PARD3B: variants seen among roughly 807,000 people sequenced by gnomAD.
The protein encoded by PARD3B is partitioning defective 3 homolog B.
In PARD3B, 103 loss-of-function variants were observed where a neutral mutation model predicts 130.2. The observed-to-expected ratio is 0.79, with a 90% CI of 0.67 to 0.93. The LOEUF (loss-of-function observed/expected upper bound fraction) is 0.93, where lower values mean the gene tolerates loss of function less well. Among genes scored for constraint, PARD3B ranks in the 40% least tolerant of loss-of-function variants. The probability of loss-of-function intolerance (pLI) is 0.00; values close to 1 mark genes in which losing one functional copy is unlikely to be tolerated. For missense variants in PARD3B, 1,609 were observed against 1,499.2 expected (o/e 1.07, Z -1.21); for synonymous variants, 583 against 553.2 (o/e 1.05, Z -0.76).
At chr2:205,057,519 ATG>A (rs1491454873) in intron 4 of PARD3B, among the ~76,000 whole-genome samples, 1 of 142,954 alleles carries the variant, frequency 7.0e-6, no homozygotes, top group Non-Finnish European at 1.5e-5. Context: ...GTGTATGTGC[ATG>A]TGTATATATA....
At chr2:204,915,295 T>G (rs2047402192) in intron 2 of PARD3B, among the ~76,000 whole-genome samples, 1 of 152,160 alleles carries the variant, frequency 6.6e-6, no homozygotes, top group Non-Finnish European at 1.5e-5. Flanking sequence ...AACTATCTAA[T>G]TAATAAAATT....
intron 2 of PARD3B, among the ~76,000 whole-genome samples, chr2:204,956,254 C>G (rs1157902187): frequency 6.6e-6 from 1 of 152,136 alleles, no homozygotes; most frequent in Non-Finnish European, 1.5e-5. Flanking sequence ...GAGTATGTTT[C>G]TGAGACGATT....
intron 2 of PARD3B, among the ~76,000 whole-genome samples, chr2:204,964,241 C>T (rs1181148954): frequency 3.3e-5 from 5 of 152,200 alleles, no homozygotes; most frequent in Non-Finnish European, 7.3e-5. Flanking sequence ...TTTTCTACAT[C>T]AGCTGATGAG....
At chr2:205,117,920 C>CACACACACACACACACAT (rs1553617433) in intron 6 of PARD3B, among the ~76,000 whole-genome samples, 36 of 152,012 alleles carry the variant, frequency 2.4e-4, no homozygotes, top group Admixed American at 5.9e-4. Context: ...TGTGTGTACA[C>CACACACACACACACACAT]ACACACACAC....
intron 2 of PARD3B, among the ~76,000 whole-genome samples, chr2:204,946,337 C>T (rs947070984): frequency 6.6e-6 from 1 of 152,204 alleles, no homozygotes; most frequent in Non-Finnish European, 1.5e-5. Flanking sequence ...AATCCTTCCT[C>T]ATTTATTGAG....
chr2:204,866,662 T>C (rs975336000), intron 2 of PARD3B, among the ~76,000 whole-genome samples: 1 of 151,778 alleles, frequency 6.6e-6, no homozygotes, highest in African/African-American at 2.4e-5. Flanking sequence ...TTAAAAGATA[T>C]ATATGTGTAT....
intron 3 of PARD3B, among the ~76,000 whole-genome samples, chr2:205,007,037 C>T (rs564253266): frequency 3.9e-5 from 6 of 152,120 alleles, no homozygotes; most frequent in East Asian, 1.9e-4. Flanking sequence ...ATAATCCCCA[C>T]GTGTTGAGGG....
chr2:205,195,341 A>G (rs531918909), intron 15 of PARD3B, among the ~76,000 whole-genome samples: 1 of 152,170 alleles, frequency 6.6e-6, no homozygotes, highest in African/African-American at 2.4e-5. Flanking sequence ...ATGCAGTGGA[A>G]ATACTCAACA....
chr2:205,600,902 C>T (rs2105755175), intron 22 of PARD3B, among the ~76,000 whole-genome samples: 1 of 152,252 alleles, frequency 6.6e-6, no homozygotes, highest in East Asian at 1.9e-4. Flanking sequence ...TCCAGTCTGT[C>T]ATTGATGGGC....
At chr2:205,598,891 A>G (rs2105747216) in intron 22 of PARD3B, among the ~76,000 whole-genome samples, 1 of 152,354 alleles carries the variant, frequency 6.6e-6, no homozygotes, top group South Asian at 2.1e-4. Context: ...AAATTAAGGC[A>G]GAAATCAAAA....
Position 205,325,650 on chromosome 2 carries a change from C to T in PARD3B, c.2630+23949C>T, listed in dbSNP as rs568640321. 6.6e-6 allele frequency among the ~76,000 whole-genome samples: 1 copy of T among 152,204 alleles called. No individual in the cohort carries two copies. Among genetic ancestry groups the T allele is most frequent in the African/African-American group, 2.4e-5 (1 of 41,544 alleles). On this transcript the variant is annotated intron_variant, in intron 18 of 22. Transcript: ENST00000406610. The surrounding 1 kb of genome is among the most constrained non-coding windows in gnomAD (Gnocchi z 4.1). ...CTAAGTGATCCTCCCACCTCAGCCT[C>T]CCAAATAGCTGGGATTGCAAGTATG...
At chr2:205,195,263 T>C (rs1277085904) in intron 15 of PARD3B, among the ~76,000 whole-genome samples, 1 of 152,176 alleles carries the variant, frequency 6.6e-6, no homozygotes, top group Non-Finnish European at 1.5e-5. Flanking sequence ...TTTACAAAAT[T>C]GGTCAGGTTA....
At chr2:205,500,478 A>T (rs1171054113) in intron 21 of PARD3B, among the ~76,000 whole-genome samples, 1 of 152,144 alleles carries the variant, frequency 6.6e-6, no homozygotes, top group East Asian at 1.9e-4. Context: ...TCTTACCGGC[A>T]TACTAGGATG....
chr2:205,556,720 A>G (rs1041393649), intron 22 of PARD3B, among the ~76,000 whole-genome samples: 3 of 152,180 alleles, frequency 2.0e-5, no homozygotes, highest in Non-Finnish European at 4.4e-5. Context: ...ACCAGGGCCA[A>G]TGTTTTACCA....
chr2:204,717,539 G>C lies in PARD3B; in HGVS notation c.222+31257G>C, dbSNP rs550249626. Among the ~76,000 whole-genome samples, 8 of 152,252 alleles carry C rather than the reference G, an allele frequency of 5.3e-5. No homozygotes were observed. The South Asian group carries it at 1.7e-3, about 32-fold the overall frequency. ...CTAGTTTAGGTGTCTGGTGGAGTTGGTGGTGGCCTGGAGAGAAGATTGGAA... is the reference window on the plus strand; with the variant it reads ...CTAGTTTAGGTGTCTGGTGGAGTTGCTGGTGGCCTGGAGAGAAGATTGGAA... On this transcript the variant is annotated intron_variant, in intron 2 of 22. Coordinates refer to ENST00000406610, the MANE Select transcript of PARD3B (RefSeq NM_001302769.2).
chr2:205,200,217 CATT>C (rs1237021283), intron 15 of PARD3B, among the ~76,000 whole-genome samples: 1 of 152,158 alleles, frequency 6.6e-6, no homozygotes, highest in Non-Finnish European at 1.5e-5. Flanking sequence ...ATTAATGTCT[CATT>C]GTCACCTTGG....
intron 2 of PARD3B, among the ~76,000 whole-genome samples, chr2:204,762,371 G>A (rs547603096): frequency 1.3e-5 from 2 of 151,810 alleles, no homozygotes; most frequent in Non-Finnish European, 2.9e-5. Flanking sequence ...CAATCCACCC[G>A]GCTTGGCCTT....
At chr2:205,468,380 A>G (rs1326864130) in intron 20 of PARD3B, among the ~76,000 whole-genome samples, 2 of 152,222 alleles carry the variant, frequency 1.3e-5, no homozygotes, top group Admixed American at 6.5e-5. Flanking sequence ...TCCCTGGGCT[A>G]TACTCTCCTT....
intron 18 of PARD3B, among the ~76,000 whole-genome samples, chr2:205,337,761 T>C (rs2043365306): frequency 6.6e-6 from 1 of 152,228 alleles, no homozygotes; most frequent in African/African-American, 2.4e-5. Flanking sequence ...ATGAGGTTAA[T>C]AAGTGCTTGT....
Sources: gnomAD v4.1 joint callset for allele counts (sites outside exome capture counted in the v4.1 genomes callset) on GRCh38, gnomAD v4.1.1 for gene constraint, Gnocchi (gnomAD v3.1) non-coding constraint, MANE v1.5 for transcripts, NCBI Gene and HGNC (gene_info 2026-07-23, HGNC 2026-07-21) for gene names.